ACTR3: variants seen among roughly 807,000 people sequenced by gnomAD.
The protein encoded by ACTR3 is actin related protein 3.
Under a neutral mutation model 56.8 loss-of-function variants are expected in ACTR3, and 12 were observed. The observed-to-expected ratio is 0.21, with a 90% CI of 0.14 to 0.34. The LOEUF is 0.34. Ranked by LOEUF, ACTR3 falls within the 10% of genes least tolerant of loss-of-function variation. The probability of loss-of-function intolerance (pLI) is 1.00; values close to 1 mark genes in which losing one functional copy is unlikely to be tolerated. For synonymous variants in ACTR3, 162 were observed against 167.4 expected (o/e 0.97, Z 0.25); for missense variants, 282 against 512.5 (o/e 0.55, Z 4.34).
intron 3 of ACTR3, among the ~76,000 whole-genome samples, chr2:113,925,754 C>CTTTTATAAGT (rs1332036200): frequency 2.6e-5 from 4 of 152,014 alleles, no homozygotes; most frequent in Non-Finnish European, 5.9e-5. Flanking sequence ...GAGTAGAAGT[C>CTTTTATAAGT]CTTTTATAAG....
In ACTR3 at chr2:113,942,195, A is replaced by G; in HGVS notation, c.694A>G (p.Ser232Gly). 6.3e-7 allele frequency: 1 copy of G among 1,577,308 alleles called. No homozygotes were observed. The highest frequency in any genetic ancestry group is 8.6e-7 in the Non-Finnish European group (1 of 1,168,226). ...TTTCTTTGTTTTTCAGGAGCGCTAT[A>G]GTTATGTCTGCCCAGATTTAGTAAA... Reference protein sequence around the residue: ...ETAKAVKERYSYVCPDLVKEF... With the variant: ...ETAKAVKERYGYVCPDLVKEF... Residue 232 changes from serine (S) to glycine (G), a missense_variant, in exon 8 of 12, where the codon AGT becomes GGT. Ser to Gly is a moderately conservative substitution (Grantham distance 56). Coordinates refer to ENST00000263238, the MANE Select transcript of ACTR3 (RefSeq NM_005721.5).
At chr2:113,928,478 AT>A (rs2104606603) in intron 4 of ACTR3, among the ~76,000 whole-genome samples, 1 of 152,286 alleles carries the variant, frequency 6.6e-6, no homozygotes, top group Admixed American at 6.5e-5. Flanking sequence ...ATATCATAAA[AT>A]CACCGGTCTG....
Position 113,962,002 on chromosome 2 carries a change from T to G in ACTR3, c.*4547T>G, listed in dbSNP as rs150371413. 1.3e-5 allele frequency: 2 copies of G among 152,136 alleles called. No homozygotes were observed. The highest frequency in any genetic ancestry group is 3.9e-4 in the East Asian group (2 of 5,188). The allele number at this position is 152,136 out of a possible 1,614,324, so 9.4% of individuals were successfully genotyped here. ...TATTTCCAGTGCCTGACATATTGCTTGGCATATAGTAGTTTAGTGGATGTG... is the reference window on the plus strand; with the variant it reads ...TATTTCCAGTGCCTGACATATTGCTGGGCATATAGTAGTTTAGTGGATGTG... On this transcript the variant is annotated 3_prime_UTR_variant, in exon 12 of 12. Transcript: ENST00000263238.
rs1257890201 is a variant in ACTR3 at position 113,959,606 on chromosome 2, T to C, written c.*2151T>C. ...AGCCCTTCTTGTGTATGTTCTGATA[T>C]CCCTTTGCTCTACTTTTAGAGGAGT... On this transcript the variant is annotated 3_prime_UTR_variant, in exon 12 of 12. Transcript: ENST00000263238. 6.6e-6 allele frequency: 1 copy of C among 152,074 alleles called. No individual in the cohort carries two copies. Among genetic ancestry groups the C allele is most frequent in the Non-Finnish European group, 1.5e-5 (1 of 67,936 alleles). The allele number at this position is 152,074 out of a possible 1,614,324, so 9.4% of individuals were successfully genotyped here.
chr2:113,948,365 G>A (rs1680059674), intron 8 of ACTR3, among the ~76,000 whole-genome samples: 1 of 152,092 alleles, frequency 6.6e-6, no homozygotes, highest in South Asian at 2.1e-4. Flanking sequence ...GCCCAGGCTG[G>A]TCTTGAACTC....
intron 6 of ACTR3, among the ~76,000 whole-genome samples, chr2:113,936,279 G>T (rs1032401032): frequency 7.7e-6 from 1 of 129,196 alleles, no homozygotes; most frequent in Non-Finnish European, 1.6e-5. Context: ...TCTAGCTTGA[G>T]CAACAGAGTG....
chr2:113,938,014 CTG>C (rs1197817771), intron 6 of ACTR3, among the ~76,000 whole-genome samples: 1 of 151,960 alleles, frequency 6.6e-6, no homozygotes, highest in African/African-American at 2.4e-5. Flanking sequence ...TCATGATGCT[CTG>C]TACATTTATT....
intron 1 of ACTR3, among the ~76,000 whole-genome samples, chr2:113,901,039 GCT>G (rs1451532455): frequency 3.7e-4 from 56 of 152,284 alleles, no homozygotes; most frequent in African/African-American, 1.3e-3. Context: ...AAAGTTTCTG[GCT>G]GGGCACGGTG....
chr2:113,907,509 T>C (rs1416891857), intron 1 of ACTR3, among the ~76,000 whole-genome samples: 1 of 152,130 alleles, frequency 6.6e-6, no homozygotes, highest in Non-Finnish European at 1.5e-5. Flanking sequence ...TGCTTTGGCC[T>C]CCCAAAGTGC....
At chr2:113,899,519 T>C (rs1434771903) in intron 1 of ACTR3, among the ~76,000 whole-genome samples, 1 of 152,220 alleles carries the variant, frequency 6.6e-6, no homozygotes, top group Admixed American at 6.5e-5. Flanking sequence ...GAAACTAATA[T>C]GTGTGAAATA....
intron 4 of ACTR3, among the ~76,000 whole-genome samples, chr2:113,929,298 A>G (rs1370916838): frequency 6.6e-6 from 1 of 151,874 alleles, no homozygotes; most frequent in Non-Finnish European, 1.5e-5. Flanking sequence ...CCGGGCCACC[A>G]CACCTGGGTA....
chr2:113,923,939 C>T (rs1479397197), intron 3 of ACTR3, among the ~76,000 whole-genome samples: 1 of 151,974 alleles, frequency 6.6e-6, no homozygotes, highest in Non-Finnish European at 1.5e-5. Flanking sequence ...TATATATACT[C>T]CACTCTTGTT....
chr2:113,907,999 AAAAG>A (rs1679230748), intron 1 of ACTR3, among the ~76,000 whole-genome samples: 9 of 151,450 alleles, frequency 5.9e-5, no homozygotes, highest in Admixed American at 5.9e-4. Flanking sequence ...AAAAAAAAAA[AAAAG>A]TGGGTTGCTG....
chr2:113,948,338 C>T (rs1680059256), intron 8 of ACTR3, among the ~76,000 whole-genome samples: 1 of 152,048 alleles, frequency 6.6e-6, no homozygotes, highest in African/African-American at 2.4e-5. Context: ...TTCGTAGAAA[C>T]AGGGTTTTGC....
At chr2:113,897,603 T>G (rs971855699) in intron 1 of ACTR3, among the ~76,000 whole-genome samples, 7 of 147,002 alleles carry the variant, frequency 4.8e-5, no homozygotes, top group Non-Finnish European at 8.9e-5. Context: ...CTTGGCTTGC[T>G]GAAACCTCCG....
chr2:113,939,784 C>T (rs1679892179), intron 6 of ACTR3, among the ~76,000 whole-genome samples, 175 bp from the exon 7 acceptor site: 2 of 152,078 alleles, frequency 1.3e-5, no homozygotes, highest in Admixed American at 1.3e-4. Context: ...ATCTAAGTTG[C>T]TGGCCATTCT....
In ACTR3 at chr2:113,960,413, A is replaced by G. The variant is rs1003202563; in HGVS notation, c.*2958A>G. 6.6e-6 allele frequency: 1 copy of G among 152,054 alleles called. No individual in the cohort carries two copies. Among genetic ancestry groups the G allele is most frequent in the Admixed American group, 6.6e-5 (1 of 15,240 alleles). The allele number at this position is 152,054 out of a possible 1,614,324, so 9.4% of individuals were successfully genotyped here. On this transcript the variant is annotated 3_prime_UTR_variant, in exon 12 of 12. Coordinates refer to ENST00000263238, the MANE Select transcript of ACTR3 (RefSeq NM_005721.5). ...ACTATTCTTGCAGATATTTCTAGGA[A>G]TATTTTTAGAAATAATATGAAATAC...
chr2:113,941,890 A>T (rs1679929981), intron 7 of ACTR3, among the ~76,000 whole-genome samples: 1 of 152,144 alleles, frequency 6.6e-6, no homozygotes, highest in South Asian at 2.1e-4. Flanking sequence ...AAAATGTTGA[A>T]TGACATTAGT....
intron 1 of ACTR3, among the ~76,000 whole-genome samples, chr2:113,891,280 TG>T (rs1678889538): frequency 6.6e-6 from 1 of 152,186 alleles, no homozygotes; most frequent in Admixed American, 6.5e-5. Flanking sequence ...CATTCTGTGA[TG>T]GTATCTTGAA....
Sources: gnomAD v4.1 joint callset for allele counts (sites outside exome capture counted in the v4.1 genomes callset) on GRCh38, gnomAD v4.1.1 for gene constraint, MANE v1.5 for transcripts, NCBI Gene and HGNC (gene_info 2026-07-23, HGNC 2026-07-21) for gene names.